TBCA: variants seen among roughly 807,000 people sequenced by gnomAD.
TBCA encodes the protein tubulin-specific chaperone A.
Under a neutral mutation model 15.8 loss-of-function variants are expected in TBCA, and 6 were observed. The observed-to-expected ratio is 0.38, with a 90% CI of 0.21 to 0.75. The LOEUF (loss-of-function observed/expected upper bound fraction) is 0.75, where lower values mean the gene tolerates loss of function less well. Ranked by LOEUF, TBCA falls within the 30% of genes least tolerant of loss-of-function variation. The probability of loss-of-function intolerance (pLI) is 0.46; values close to 1 mark genes in which losing one functional copy is unlikely to be tolerated. For missense variants in TBCA, 90 were observed against 131.2 expected, an observed-to-expected ratio of 0.69 and a Z score of 1.53; for synonymous variants, 32 against 42.3, an observed-to-expected ratio of 0.76 and a Z score of 0.94.
intron 1 of TBCA, among the ~76,000 whole-genome samples, chr5:77,753,865 T>C (rs530653239): frequency 6.6e-6 from 1 of 152,260 alleles, no homozygotes; most frequent in South Asian, 2.1e-4. Flanking sequence ...TTCAAGTGAT[T>C]CTCCTGCTTC....
intron 1 of TBCA, among the ~76,000 whole-genome samples, chr5:77,727,616 C>T (rs1020816094): frequency 3.3e-5 from 5 of 152,012 alleles, no homozygotes; most frequent in Non-Finnish European, 5.9e-5. Context: ...CTACACAAAT[C>T]GAAGAACTCT....
At chr5:77,706,758 C>A (rs1377889982) in intron 2 of TBCA, among the ~76,000 whole-genome samples, 2 of 141,472 alleles carry the variant, frequency 1.4e-5, no homozygotes, top group African/African-American at 5.3e-5. Flanking sequence ...TTGCAGTGAG[C>A]CAAGATTGCA....
At chr5:77,744,860 A>G (rs1026034374) in intron 1 of TBCA, among the ~76,000 whole-genome samples, 1 of 152,014 alleles carries the variant, frequency 6.6e-6, no homozygotes, top group Non-Finnish European at 1.5e-5. Flanking sequence ...CTTCATCCAC[A>G]GTTTCCTCTC....
chr5:77,718,474 G>A (rs1021801022), intron 1 of TBCA, among the ~76,000 whole-genome samples: 16 of 152,168 alleles, frequency 1.1e-4, no homozygotes, highest in African/African-American at 3.9e-4. Context: ...CAAGTCAACT[G>A]CATTAATTAA....
intron 1 of TBCA, among the ~76,000 whole-genome samples, chr5:77,767,310 C>G (rs353913): frequency 0.44 from 66,990 of 151,996 alleles, 14,932 homozygotes; most frequent in East Asian, 0.53. Context: ...CACACACACA[C>G]AGAACTCCGT....
At position 77,714,020 on chromosome 5, in the gene TBCA, C is replaced by A. The variant is rs996944993; in HGVS notation, c.54-5673G>T. On this transcript the variant is annotated intron_variant, in intron 1 of 3. Coordinates refer to ENST00000380377, the MANE Select transcript of TBCA (RefSeq NM_004607.3). Reference sequence around the variant, plus strand: ...AGAATCCATTGAAAAAAAAAAAAAACCCCATCTATGTACATTAAGAATTTC... The same window carrying A: ...AGAATCCATTGAAAAAAAAAAAAAAACCCATCTATGTACATTAAGAATTTC... Among the ~76,000 whole-genome samples, 332 of 149,594 alleles carry A rather than the reference C, an allele frequency of 2.2e-3. 1 individual carries two copies. The highest frequency in any genetic ancestry group is 0.022 in the East Asian group (113 of 5,112).
chr5:77,691,325 A>ATAC lies in TBCA; in HGVS notation c.*90_*92dup, dbSNP rs1561260218. 1 of 1,001,870 alleles carries ATAC rather than the reference A, an allele frequency of 1.0e-6. No individual in the cohort carries two copies. The highest frequency in any genetic ancestry group is 1.7e-5 in the African/African-American group (1 of 59,856). The allele number at this position is 1,001,870 out of a possible 1,614,324, so 62.1% of individuals were successfully genotyped here. A position where few individuals can be genotyped will look rare whatever the true frequency, so the allele number is the denominator to read the frequency against. On this transcript the variant is annotated 3_prime_UTR_variant, in exon 4 of 4. Coordinates refer to ENST00000380377, the MANE Select transcript of TBCA (RefSeq NM_004607.3). ...ACCAGATAAAAACAATCACATTCTC[A>ATAC]TACTACTTGAACACATAGCAGTGGT...
chr5:77,776,245 G>C lies in TBCA; in HGVS notation c.13C>G (p.Arg5Gly). MADP[R>G]VRQIKIKTGV... ...GTCTTGATCTTGATCTGTCTCACGC[G>C]AGGATCGGCCATGGTCCCTCGAGCG... is the stretch of plus-strand genomic sequence containing the variant. Residue 5 changes from arginine to glycine, a missense_variant, in exon 1 of 4, where the codon CGC becomes GGC. By Grantham distance (125) the Arg-to-Gly change is moderately radical. Transcript: ENST00000380377. 2 of 1,579,948 alleles carry C rather than the reference G, an allele frequency of 1.3e-6. No individual in the cohort carries two copies. Among genetic ancestry groups the C allele is most frequent in the Non-Finnish European group, 1.7e-6 (2 of 1,163,944 alleles).
chr5:77,775,630 A>C (rs1233740522), intron 1 of TBCA, among the ~76,000 whole-genome samples: 2 of 152,168 alleles, frequency 1.3e-5, no homozygotes, highest in Admixed American at 6.5e-5. Context: ...ATCTGACTGG[A>C]GAAAGTGAGG....
At chr5:77,758,048 G>T (rs1367382451) in intron 1 of TBCA, among the ~76,000 whole-genome samples, 3 of 152,158 alleles carry the variant, frequency 2.0e-5, no homozygotes, top group Non-Finnish European at 2.9e-5. Flanking sequence ...TTATTAAAAA[G>T]CTTTAGAACA....
At chr5:77,710,528 C>T (rs1746254861) in intron 1 of TBCA, among the ~76,000 whole-genome samples, 1 of 151,982 alleles carries the variant, frequency 6.6e-6, no homozygotes, top group Non-Finnish European at 1.5e-5. Context: ...ATGTTAAAAA[C>T]AAAGAATATT....
rs982011212 is a variant in TBCA, at chr5:77,738,235, T to A, written c.54-29888A>T. The stretch of plus-strand genomic sequence containing the variant: ...AAATGTCACTAATTCCCTTCTAAAT[T>A]TAGCATGTATATTGCAGTGCTGCTT... On this transcript the variant is annotated intron_variant, in intron 1 of 3. Transcript: ENST00000380377. Among the ~76,000 whole-genome samples the A allele has an allele frequency of 3.3e-5, 5 of 152,304 alleles. No homozygotes were observed. In the East Asian group the frequency reaches 9.6e-4, roughly 29 times the overall value.
chr5:77,716,779 C>A (rs1054851151), intron 1 of TBCA, among the ~76,000 whole-genome samples: 2 of 152,156 alleles, frequency 1.3e-5, no homozygotes, highest in Non-Finnish European at 2.9e-5. Flanking sequence ...TTGTTAGGTG[C>A]CTACCCAGCA....
At chr5:77,691,954 A>G (rs1580085589) in intron 3 of TBCA, 13 of 986,692 alleles carry the variant, frequency 1.3e-5, no homozygotes, top group Non-Finnish European at 1.4e-5. Context: ...GTTAAATATA[A>G]TCTTTGAATT....
intron 1 of TBCA, among the ~76,000 whole-genome samples, chr5:77,733,465 A>G (rs1355448680): frequency 1.3e-5 from 2 of 152,246 alleles, no homozygotes; most frequent in Admixed American, 6.5e-5. Context: ...AAAGCAAAAC[A>G]GCCTTCTTGC....
intron 1 of TBCA, among the ~76,000 whole-genome samples, chr5:77,750,802 G>A (rs1580127223): frequency 1.3e-5 from 2 of 152,140 alleles, no homozygotes; most frequent in South Asian, 2.1e-4. Context: ...GCTTTTGTAC[G>A]TTTTAGGGAG....
In TBCA at chr5:77,701,686, T is replaced by C. The variant is rs1384754678; in HGVS notation, c.159+6556A>G. Among the ~76,000 whole-genome samples the C allele has an allele frequency of 8.2e-5, 6 of 73,470 alleles. No homozygotes were observed. The East Asian group carries it at 2.2e-3, about 27-fold the overall frequency. The allele number at this position is 73,470 out of a possible 152,430, so 48.2% of individuals were successfully genotyped here. A position where few individuals can be genotyped will look rare whatever the true frequency, so the allele number is the denominator to read the frequency against. ...AAGTGGATAAACTGTGGCATGCATA[T>C]ATATATATATATATATATATATATA... On this transcript the variant is annotated intron_variant, in intron 2 of 3. Transcript: ENST00000380377.
intron 1 of TBCA, among the ~76,000 whole-genome samples, chr5:77,714,412 T>C (rs1454754099): frequency 2.0e-5 from 3 of 152,278 alleles, no homozygotes; most frequent in Non-Finnish European, 2.9e-5. Context: ...AGAATCAGAT[T>C]GACTTACACT....
chr5:77,740,156 G>A (rs1315615829), intron 1 of TBCA, among the ~76,000 whole-genome samples: 1 of 152,192 alleles, frequency 6.6e-6, no homozygotes, highest in African/African-American at 2.4e-5. Flanking sequence ...TGAAAATTAA[G>A]TAAGGCTGGT....
Sources: allele counts gnomAD v4.1 joint callset (sites outside exome capture counted in the v4.1 genomes callset), GRCh38; gene constraint gnomAD v4.1.1; transcripts MANE v1.5; gene names NCBI Gene and HGNC (gene_info 2026-07-23, HGNC 2026-07-21).